TRPM8: variants seen among roughly 807,000 people sequenced by gnomAD.
TRPM8 encodes the protein TRPM8 cationic channel.
In TRPM8, 110 loss-of-function variants were observed where a neutral mutation model predicts 133.7. That is an observed-to-expected ratio of 0.82 (90% CI 0.70 to 0.96). The LOEUF (loss-of-function observed/expected upper bound fraction) is 0.96, where lower values mean the gene tolerates loss of function less well. TRPM8 is among the 40% of genes least tolerant of loss of function. The pLI is 0.00. For missense variants in TRPM8, 1,291 were observed against 1,379.5 expected (o/e 0.94, Z 1.02); for synonymous variants, 535 against 532.3 (o/e 1.01, Z -0.07).
At chr2:233,969,499 C>CA (rs1691653902) in intron 15 of TRPM8, among the ~76,000 whole-genome samples, 196 bp from the exon 16 acceptor site, 1 of 150,744 alleles carries the variant, frequency 6.6e-6, no homozygotes, top group Non-Finnish European at 1.5e-5. Flanking sequence ...AGAAAAAAAA[C>CA]AAAAAACCAA....
chr2:234,009,714 A>G (rs1051956225), intron 24 of TRPM8, among the ~76,000 whole-genome samples: 1 of 152,134 alleles, frequency 6.6e-6, no homozygotes, highest in African/African-American at 2.4e-5. Context: ...CCCCTTCTGA[A>G]CAACCAAAAA....
intron 9 of TRPM8, among the ~76,000 whole-genome samples, chr2:233,950,360 CAG>C (rs1691146291): frequency 1.3e-5 from 2 of 152,140 alleles, no homozygotes; most frequent in Non-Finnish European, 2.9e-5. Context: ...TTGCATTTTT[CAG>C]AGTTTACTAA....
chr2:234,017,171 A>G (rs1467587518), intron 25 of TRPM8, 128 bp from the exon 26 acceptor site: 1 of 352,908 alleles, frequency 2.8e-6, no homozygotes, highest in Non-Finnish European at 5.6e-6. Flanking sequence ...AAAATCTCTC[A>G]ACTTTGGTGG....
intron 21 of TRPM8, among the ~76,000 whole-genome samples, chr2:233,994,042 T>G (rs1692345645): frequency 6.6e-6 from 1 of 152,260 alleles, no homozygotes; most frequent in African/African-American, 2.4e-5. Context: ...CATTCATCTC[T>G]TCTTATTTTT....
intron 15 of TRPM8, 70 bp downstream of exon 15, chr2:233,966,825 A>G (rs1300079722): frequency 2.1e-6 from 3 of 1,434,234 alleles, no homozygotes; most frequent in Admixed American, 5.8e-5. Flanking sequence ...TACTAGCAGC[A>G]TTAAACAATA....
At position 233,978,198 on chromosome 2, in the gene TRPM8, AGTGTGTGT is replaced by A. The variant is rs59259744; in HGVS notation, c.2356-1961_2356-1954del. Among the ~76,000 whole-genome samples, 273 of 145,986 alleles carry A rather than the reference AGTGTGTGT, an allele frequency of 1.9e-3. 2 individuals are homozygous for A. The highest frequency in any genetic ancestry group is 6.8e-3 in the Middle Eastern group (2 of 294). ...GTATTTCACAGAAATGGAATATTAT[AGTGTGTGT>A]GTGTGTGTGTGTGTGTGTGTGTGTG... On this transcript the variant is annotated intron_variant, in intron 17 of 25. Transcript: ENST00000324695.
chr2:233,966,362 A>G (rs568293301), intron 14 of TRPM8, among the ~76,000 whole-genome samples: 9 of 152,282 alleles, frequency 5.9e-5, no homozygotes, highest in African/African-American at 2.2e-4. Flanking sequence ...TGTCCAATGC[A>G]GCTCAATCCA....
Position 234,000,086 on chromosome 2 carries a change from GATTTATTTATTTATTT to G in TRPM8, c.3130+3595_3130+3610del, listed in dbSNP as rs3078202. On this transcript the variant is annotated intron_variant, in intron 22 of 25. Transcript: ENST00000324695. ...AGCAGCATCTGTGATCAATGTGGAT[GATTTATTTATTTATTT>G]ATTTATTTATTTATTTATTTATTTT... 1.8e-3 allele frequency among the ~76,000 whole-genome samples: 259 copies of G among 144,266 alleles called. 2 individuals carry two copies. Among genetic ancestry groups the G allele is most frequent in the African/African-American group, 6.5e-3 (256 of 39,108 alleles). 94.6% of individuals were successfully genotyped at this position (144,266 alleles called of 152,430 possible). A position where few individuals can be genotyped will look rare whatever the true frequency, so the allele number is the denominator to read the frequency against.
At position 233,954,036 on chromosome 2, in the gene TRPM8, C is replaced by G; in HGVS notation, c.1243+17C>G. On this transcript the variant is annotated intron_variant, in intron 10 of 25. Transcript: ENST00000324695. ...TATACAAAGGTGAGTAAAAATAGCTCCTTTTGAAGTGTCAGCTTTGTGTTG... is the reference window on the plus strand; with the variant it reads ...TATACAAAGGTGAGTAAAAATAGCTGCTTTTGAAGTGTCAGCTTTGTGTTG... 6.5e-7 allele frequency: 1 copy of G among 1,550,340 alleles called. No individual in the cohort carries two copies. The highest frequency in any genetic ancestry group is 8.8e-7 in the Non-Finnish European group (1 of 1,140,200).
chr2:233,980,473 A>G (rs939289076), intron 18 of TRPM8, among the ~76,000 whole-genome samples, 194 bp downstream of exon 18: 17 of 152,050 alleles, frequency 1.1e-4, no homozygotes, highest in African/African-American at 3.9e-4. Context: ...CCTCCCACTG[A>G]TGTGTAATTT....
At chr2:234,003,178 C>T (rs1017854642) in intron 22 of TRPM8, among the ~76,000 whole-genome samples, 5 of 152,120 alleles carry the variant, frequency 3.3e-5, no homozygotes, top group Admixed American at 3.3e-4. Context: ...TAGCTGTGAG[C>T]CCCTGAAGTC....
At chr2:233,946,303 C>T (rs925660489) in intron 7 of TRPM8, 11 of 337,058 alleles carry the variant, frequency 3.3e-5, no homozygotes, top group Non-Finnish European at 6.0e-5. Context: ...AGCTGGCTGT[C>T]TTCTTCTGGT....
intron 22 of TRPM8, among the ~76,000 whole-genome samples, chr2:234,003,650 A>G (rs1433237547): frequency 6.6e-6 from 1 of 152,254 alleles, no homozygotes; most frequent in African/African-American, 2.4e-5. Flanking sequence ...TACAAGCATC[A>G]TACTTCTTTC....
At chr2:233,946,550 C>T (rs1437023484) in intron 7 of TRPM8, among the ~76,000 whole-genome samples, 3 of 152,158 alleles carry the variant, frequency 2.0e-5, no homozygotes, top group African/African-American at 7.2e-5. Flanking sequence ...TCTCTCTCTT[C>T]CTGTGGACAG....
Position 233,942,566 on chromosome 2 carries a change from T to G in TRPM8, c.527-10T>G, listed in dbSNP as rs752211037. 6.2e-7 allele frequency: 1 copy of G among 1,614,162 alleles called. No individual in the cohort carries two copies. Among genetic ancestry groups the G allele is most frequent in the East Asian group, 2.2e-5 (1 of 44,890 alleles). ...CCACTTGACCATTTACTCTTCCTAT[T>G]TGTTGACAGGTGCTTGGATTCTCAC... On this transcript the variant is annotated splice_polypyrimidine_tract_variant and intron_variant, in intron 5 of 25. Coordinates refer to ENST00000324695, the MANE Select transcript of TRPM8 (RefSeq NM_024080.5).
At chr2:234,007,003 GC>G in intron 23 of TRPM8, 51 bp downstream of exon 23, 1 of 1,421,488 alleles carries the variant, frequency 7.0e-7, no homozygotes, top group Non-Finnish European at 9.9e-7. Flanking sequence ...GTAGACATAA[GC>G]CCATAGAACG....
At chr2:233,939,884 G>A (rs1394434753) in intron 5 of TRPM8, among the ~76,000 whole-genome samples, 1 of 152,092 alleles carries the variant, frequency 6.6e-6, no homozygotes, top group African/African-American at 2.4e-5. Flanking sequence ...CTGTGAGAGG[G>A]GGTTTTCTCA....
At chr2:233,924,166 G>A (rs1167247710) in intron 1 of TRPM8, among the ~76,000 whole-genome samples, 1 of 152,178 alleles carries the variant, frequency 6.6e-6, no homozygotes, top group East Asian at 1.9e-4. Context: ...TGACAGATAA[G>A]TCCAAGGTGG....
intron 19 of TRPM8, among the ~76,000 whole-genome samples, chr2:233,982,465 T>C (rs571648014): frequency 2.4e-3 from 359 of 152,320 alleles, no homozygotes; most frequent in African/African-American, 8.5e-3. Flanking sequence ...GTTTCTGTCT[T>C]TAAATCAGAC....
Sources: gnomAD v4.1 joint callset for allele counts (sites outside exome capture counted in the v4.1 genomes callset) on GRCh38, gnomAD v4.1.1 for gene constraint, MANE v1.5 for transcripts, NCBI Gene and HGNC (gene_info 2026-07-23, HGNC 2026-07-21) for gene names.